Variants in PDE1C observed in about 807,000 individuals in gnomAD.
PDE1C encodes the protein dual specificity calcium/calmodulin-dependent 3',5'-cyclic nucleotide phosphodiesterase 1C.
In PDE1C, 62 loss-of-function variants were observed where a neutral mutation model predicts 93.1. The ratio of observed to expected loss-of-function variants is 0.67; its 90% CI spans 0.54 to 0.82. The LOEUF (loss-of-function observed/expected upper bound fraction) is 0.82, where lower values mean the gene tolerates loss of function less well. Among genes scored for constraint, PDE1C ranks in the 40% least tolerant of loss-of-function variants. The probability of loss-of-function intolerance (pLI) is 0.00; values close to 1 mark genes in which losing one functional copy is unlikely to be tolerated. For synonymous variants in PDE1C, 325 were observed against 310.1 expected, an observed-to-expected ratio of 1.05 and a Z score of -0.50; for missense variants, 742 against 884.6, an observed-to-expected ratio of 0.84 and a Z score of 2.04.
intron 2 of PDE1C, among the ~76,000 whole-genome samples, chr7:32,188,570 T>A (rs1471373713): frequency 2.6e-5 from 4 of 152,160 alleles, no homozygotes; most frequent in African/African-American, 9.6e-5. Flanking sequence ...TCTCTAACTC[T>A]AAAAACACCT....
intron 1 of PDE1C, among the ~76,000 whole-genome samples, chr7:32,335,858 A>G (rs1262373110): frequency 2.0e-5 from 3 of 152,040 alleles, no homozygotes; most frequent in African/African-American, 2.4e-5. Context: ...CCTCCCAAGT[A>G]TCTGGGTCCA....
At chr7:31,679,995 A>G in the PDE1C span, among the ~76,000 whole-genome samples, 2 of 152,176 alleles carry the variant, frequency 1.3e-5, no homozygotes, top group African/African-American at 2.4e-5. Flanking sequence ...GTTCATTCCC[A>G]TGTGCTGCAG....
intron 3 of PDE1C, among the ~76,000 whole-genome samples, chr7:32,141,557 T>C (rs1420933897): frequency 2.0e-5 from 3 of 152,036 alleles, no homozygotes; most frequent in African/African-American, 7.2e-5. Flanking sequence ...GGAGAAAAAA[T>C]ATCAACAAAC....
At chr7:32,281,480 G>A (rs1223481113) in intron 1 of PDE1C, among the ~76,000 whole-genome samples, 1 of 152,166 alleles carries the variant, frequency 6.6e-6, no homozygotes, top group Admixed American at 6.5e-5. Context: ...AGGGCTTTGA[G>A]AGGCTGAGGC....
intron 2 of PDE1C, among the ~76,000 whole-genome samples, chr7:31,967,455 G>C (rs1012804121): frequency 6.6e-6 from 1 of 152,218 alleles, no homozygotes; most frequent in African/African-American, 2.4e-5. Context: ...AGCTGAAATT[G>C]AGGCAATAAT....
At chr7:31,874,557 C>T (rs1796319504) in intron 5 of PDE1C, among the ~76,000 whole-genome samples, 2 of 152,236 alleles carry the variant, frequency 1.3e-5, no homozygotes, top group South Asian at 2.1e-4. Flanking sequence ...TTGTTCCTGA[C>T]CAAACATTCC....
chr7:32,321,203 T>C (rs7806018), intron 1 of PDE1C, among the ~76,000 whole-genome samples: 3,110 of 152,344 alleles, frequency 0.02, 71 homozygotes, highest in African/African-American at 0.052. Context: ...AGACCCCTCA[T>C]TTCTTTTGTG....
chr7:31,682,970 A>G, the PDE1C span, among the ~76,000 whole-genome samples: 1 of 152,176 alleles, frequency 6.6e-6, no homozygotes, highest in Admixed American at 6.6e-5. Context: ...GTTGTCAGGG[A>G]CCACTGTGGA....
chr7:32,366,849 C>T (rs1784238046), intron 1 of PDE1C, among the ~76,000 whole-genome samples: 1 of 132,414 alleles, frequency 7.6e-6, no homozygotes, highest in Admixed American at 8.3e-5. Context: ...ATGGTGAAAC[C>T]CCGTCACTAC....
At chr7:31,968,794 T>C (rs1307250796) in intron 2 of PDE1C, among the ~76,000 whole-genome samples, 2 of 151,922 alleles carry the variant, frequency 1.3e-5, no homozygotes, top group Non-Finnish European at 2.9e-5. Flanking sequence ...TATAGACAAA[T>C]GGAACAGAAC....
chr7:32,105,282 T>C (rs1798239154), intron 3 of PDE1C, among the ~76,000 whole-genome samples: 1 of 151,922 alleles, frequency 6.6e-6, no homozygotes, highest in Non-Finnish European at 1.5e-5. Flanking sequence ...GAAGATACAA[T>C]AGCAAAAATA....
upstream of PDE1C, among the ~76,000 whole-genome samples, chr7:32,072,860 C>T (rs1796142493): frequency 6.6e-6 from 1 of 152,186 alleles, no homozygotes; most frequent in Non-Finnish European, 1.5e-5. Context: ...ACATCCCCCT[C>T]ACAGAGTCCC....
At chr7:32,197,132 C>T (rs58848159) in intron 2 of PDE1C, among the ~76,000 whole-genome samples, 18,461 of 152,124 alleles carry the variant, frequency 0.12, 1,163 homozygotes, top group South Asian at 0.19. Flanking sequence ...GAATGGGATG[C>T]TACCCCTTTT....
intron 1 of PDE1C, among the ~76,000 whole-genome samples, chr7:32,332,003 C>G (rs1231715240): frequency 6.6e-6 from 1 of 152,162 alleles, no homozygotes; most frequent in Non-Finnish European, 1.5e-5. Flanking sequence ...CATCTCCCTA[C>G]ACAGTGTATA....
At chr7:31,786,722 A>G (rs1783980950) in intron 16 of PDE1C, 1 of 152,182 alleles carries the variant, frequency 6.6e-6, no homozygotes. Flanking sequence ...TTTGGGATAG[A>G]ACACCACATA....
At chr7:31,652,944 C>G in the PDE1C span, 3 of 1,492,804 alleles carry the variant, frequency 2.0e-6, no homozygotes, top group Non-Finnish European at 2.7e-6. Flanking sequence ...TCAGCTATAT[C>G]TCTCATATTC....
Position 31,982,499 on chromosome 7 carries a change from T to G in PDE1C, c.128+69055A>C, listed in dbSNP as rs536834601. ...ATCCAATTTACACAAGAATCAATAC[T>G]GTCATCAACAACACTAATAGGGAAG... On this transcript the variant is annotated intron_variant, in intron 2 of 17. Transcript: ENST00000396191. 3.9e-5 allele frequency among the ~76,000 whole-genome samples: 6 copies of G among 152,272 alleles called. No individual in the cohort carries two copies. In the East Asian group the frequency reaches 1.2e-3, roughly 29 times the overall value.
At chr7:32,004,237 T>C (rs964192451) in intron 2 of PDE1C, among the ~76,000 whole-genome samples, 13 of 144,572 alleles carry the variant, frequency 9.0e-5, no homozygotes, top group African/African-American at 3.1e-4. Flanking sequence ...GAACACAAAA[T>C]GGCCCCCAAA....
At chr7:31,815,021 A>G (rs1039086585) in intron 15 of PDE1C, among the ~76,000 whole-genome samples, 1 of 151,920 alleles carries the variant, frequency 6.6e-6, no homozygotes, top group Non-Finnish European at 1.5e-5. Flanking sequence ...GTACTTGCTC[A>G]TCTTGTTCTC....
Sources: allele counts gnomAD v4.1 joint callset (sites outside exome capture counted in the v4.1 genomes callset), GRCh38; gene constraint gnomAD v4.1.1; transcripts MANE v1.5; gene names NCBI Gene and HGNC (gene_info 2026-07-23, HGNC 2026-07-21).